Variants in SYNE1 observed in about 807,000 individuals in gnomAD.
SYNE1 encodes spectrin repeat containing nuclear envelope protein 1, also known as nesprin-1.
In SYNE1, 616 loss-of-function variants were observed where a neutral mutation model predicts 1,111.0. That is an observed-to-expected ratio of 0.55 (90% CI 0.52 to 0.59). The LOEUF (loss-of-function observed/expected upper bound fraction) is 0.59. Among genes scored for constraint, SYNE1 ranks in the 20% least tolerant of loss-of-function variants. The pLI is 0.00. For synonymous variants in SYNE1, 3,855 were observed against 3,825.8 expected (o/e 1.01, Z -0.28); for missense variants, 10,006 against 10,417.0 (o/e 0.96, Z 1.72).
At chr6:152,453,852 C>T in intron 24 of SYNE1, 132 bp from the exon 25 acceptor site, 1 of 1,109,542 alleles carries the variant, frequency 9.0e-7, no homozygotes, top group Admixed American at 1.8e-5. Flanking sequence ...CAGGCACCCA[C>T]TATTGTTTTT....
At chr6:152,339,619 G>T (rs533815775) in intron 74 of SYNE1, among the ~76,000 whole-genome samples, 1 of 152,164 alleles carries the variant, frequency 6.6e-6, no homozygotes, top group African/African-American at 2.4e-5. Context: ...AGGGGAAAAC[G>T]CAAGAAACTT....
chr6:152,361,643 G>A (rs1003865312), intron 64 of SYNE1, among the ~76,000 whole-genome samples: 1 of 152,152 alleles, frequency 6.6e-6, no homozygotes, highest in African/African-American at 2.4e-5. Flanking sequence ...GGGGGTGATG[G>A]AACAGGCTGA....
At chr6:152,262,881 G>A (rs960085181) in intron 100 of SYNE1, among the ~76,000 whole-genome samples, 9 of 151,730 alleles carry the variant, frequency 5.9e-5, no homozygotes, top group South Asian at 2.1e-4. Flanking sequence ...ACCTGGGAAC[G>A]TAGTACAGGG....
intron 14 of SYNE1, chr6:152,480,865 C>A: frequency 2.2e-6 from 1 of 448,118 alleles, no homozygotes; most frequent in Non-Finnish European, 4.5e-6. Flanking sequence ...TCTCTCTCTC[C>A]CTGATCCACT....
chr6:152,161,780 T>C (rs958301726), intron 131 of SYNE1, among the ~76,000 whole-genome samples: 5 of 152,172 alleles, frequency 3.3e-5, no homozygotes, highest in Non-Finnish European at 5.9e-5. Context: ...GGCAGGGGTC[T>C]GGCCTTTTCT....
In SYNE1 at chr6:152,236,294, A is replaced by T; in HGVS notation, c.20209T>A (p.Ser6737Thr). The change falls in exon 110 of 146, where the codon TCT becomes ACT. Residue 6737 changes from serine to threonine, a missense_variant. Coordinates refer to ENST00000367255, the MANE Select transcript of SYNE1 (RefSeq NM_182961.4). The part of the protein sequence containing the change: ...DRITLYQHLK[S>T]SLNEYQPKLY... ...TTGGGCTGGTATTCATTAAGGCTAG[A>T]TTTTAAATGCTAAAATATTGAAATT... 6.2e-7 allele frequency: 1 copy of T among 1,611,576 alleles called. No homozygotes were observed. Among genetic ancestry groups the T allele is most frequent in the Non-Finnish European group, 8.5e-7 (1 of 1,177,852 alleles).
intron 98 of SYNE1, 105 bp from the exon 99 acceptor site, chr6:152,269,391 G>T: frequency 6.4e-7 from 1 of 1,561,004 alleles, no homozygotes. Flanking sequence ...ATACCAAAGT[G>T]GCTCCACTGG....
chr6:152,228,906 T>C (rs1191868558), intron 115 of SYNE1, among the ~76,000 whole-genome samples: 1 of 128,010 alleles, frequency 7.8e-6, no homozygotes. Context: ...ACCCATTTTC[T>C]GATGTGAGGC....
At chr6:152,457,757 T>C (rs2098705100) in intron 22 of SYNE1, among the ~76,000 whole-genome samples, 1 of 151,936 alleles carries the variant, frequency 6.6e-6, no homozygotes, top group East Asian at 1.9e-4. Context: ...ATCTATCTGT[T>C]TTCAAAGTAT....
At chr6:152,187,596 CATCA>C (rs1356853229) in intron 128 of SYNE1, among the ~76,000 whole-genome samples, 1 of 152,190 alleles carries the variant, frequency 6.6e-6, no homozygotes, top group African/African-American at 2.4e-5. Context: ...TGCTTCCTCC[CATCA>C]ATCAGTCTCC....
At chr6:152,258,837 C>T (rs1445191701) in intron 101 of SYNE1, among the ~76,000 whole-genome samples, 6 of 151,770 alleles carry the variant, frequency 4.0e-5, no homozygotes, top group Admixed American at 3.3e-4. Context: ...CTCTGCCTCC[C>T]GGGTTCAAGT....
intron 78 of SYNE1, among the ~76,000 whole-genome samples, chr6:152,327,095 C>G (rs1462659451): frequency 1.3e-5 from 2 of 152,084 alleles, no homozygotes; most frequent in Non-Finnish European, 2.9e-5. Flanking sequence ...GAGTTTGAGA[C>G]CAGCCTGGCT....
At chr6:152,516,425 T>C (rs1420119278) in intron 6 of SYNE1, among the ~76,000 whole-genome samples, 2 of 152,190 alleles carry the variant, frequency 1.3e-5, no homozygotes, top group African/African-American at 4.8e-5. Flanking sequence ...ATGCCTTTCA[T>C]AGGTGAAGTT....
chr6:152,480,428 G>C (rs1482636808), intron 14 of SYNE1, among the ~76,000 whole-genome samples: 1 of 152,180 alleles, frequency 6.6e-6, no homozygotes, highest in African/African-American at 2.4e-5. Flanking sequence ...GGCTGAGGCA[G>C]GAGAATCGCT....
chr6:152,358,689 A>G lies in SYNE1; in HGVS notation c.10444-152T>C, dbSNP rs866126246. The G allele has an allele frequency of 4.9e-5, 38 of 775,978 alleles. No homozygotes were observed. In the African/African-American group the frequency reaches 4.9e-4, roughly 10 times the overall value. 48.1% of individuals were successfully genotyped at this position (775,978 alleles called of 1,614,324 possible). ...CTAGAATCATGAATCTTCAATATTT[A>G]TGTAAAAATATAAAAACCTAATATT... On this transcript the variant is annotated intron_variant, in intron 65 of 145. Coordinates refer to ENST00000367255, the MANE Select transcript of SYNE1 (RefSeq NM_182961.4).
intron 32 of SYNE1, among the ~76,000 whole-genome samples, chr6:152,436,398 T>C (rs2098474795): frequency 6.6e-6 from 1 of 151,926 alleles, no homozygotes; most frequent in Admixed American, 6.6e-5. Flanking sequence ...AACTCCTGGG[T>C]TTATATGATT....
Position 152,136,603 on chromosome 6 carries a change from C to G in SYNE1, c.25659+15G>C. 6.2e-7 allele frequency: 1 copy of G among 1,612,592 alleles called. No homozygotes were observed. The highest frequency in any genetic ancestry group is 1.3e-5 in the African/African-American group (1 of 75,006). On this transcript the variant is annotated intron_variant, in intron 141 of 145. Coordinates refer to ENST00000367255, the MANE Select transcript of SYNE1 (RefSeq NM_182961.4). ...GTCTCTCTCTGAGTCACCTCCTGCC[C>G]AAAGCTCTACAGACCTGGCACTGCA...
Position 152,213,684 on chromosome 6 carries a change from C to G in SYNE1, c.22422G>C (p.Gln7474His). 6.2e-7 allele frequency: 1 copy of G among 1,614,134 alleles called. No individual in the cohort carries two copies. Among genetic ancestry groups the G allele is most frequent in the Admixed American group, 1.7e-5 (1 of 60,016 alleles). Residue 7474 changes from glutamine to histidine, a missense_variant, in exon 123 of 146, where the codon CAG becomes CAC. Physicochemically the swap from Gln to His is conservative, Grantham distance 24 (BLOSUM62 0). Transcript: ENST00000367255. ...TCTCTACTGCTAACTTTTGTTCTGT[C>G]TGAACTAGGAATTCCATCCATGTTT... ...KCETWMEFLV[Q>H]TEQKLAVEIS... is the part of the protein sequence containing the mutation.
At chr6:152,152,249 C>G in intron 133 of SYNE1, 108 bp from the exon 134 acceptor site, 2 of 971,468 alleles carry the variant, frequency 2.1e-6, no homozygotes, top group Non-Finnish European at 3.3e-6. Flanking sequence ...GTTACACTAT[C>G]ACAGAGGGAA....
Sources: gnomAD v4.1 joint callset for allele counts (sites outside exome capture counted in the v4.1 genomes callset) on GRCh38, gnomAD v4.1.1 for gene constraint, MANE v1.5 for transcripts, NCBI Gene and HGNC (gene_info 2026-07-23, HGNC 2026-07-21) for gene names.